AGBL4: variants seen among roughly 807,000 people sequenced by gnomAD.
AGBL4 encodes cytosolic carboxypeptidase 6.
In AGBL4, 58 loss-of-function variants were observed where a neutral mutation model predicts 66.4. That is an observed-to-expected ratio of 0.87 (90% CI 0.71 to 1.09). The LOEUF (loss-of-function observed/expected upper bound fraction) is 1.09, where lower values mean the gene tolerates loss of function less well. Ranked by LOEUF, AGBL4 falls within the 50% of genes least tolerant of loss-of-function variation. AGBL4 has a pLI of 0.00. For synonymous variants in AGBL4, 234 were observed against 222.9 expected (o/e 1.05, Z -0.44); for missense variants, 579 against 631.0 (o/e 0.92, Z 0.88).
chr1:49,222,301 T>G (rs1234747711), intron 4 of AGBL4, among the ~76,000 whole-genome samples: 1 of 148,106 alleles, frequency 6.8e-6, no homozygotes, highest in Non-Finnish European at 1.5e-5. Context: ...AAAAGCAAGA[T>G]TAGAAAAACA....
At chr1:49,707,002 G>C (rs1223585500) in intron 2 of AGBL4, among the ~76,000 whole-genome samples, 3 of 152,202 alleles carry the variant, frequency 2.0e-5, no homozygotes, top group South Asian at 4.1e-4. Flanking sequence ...ATGTGGTGCT[G>C]AGAAGAATGT....
chr1:49,103,724 A>C (rs1170237953), intron 4 of AGBL4, among the ~76,000 whole-genome samples: 1 of 152,170 alleles, frequency 6.6e-6, no homozygotes, highest in African/African-American at 2.4e-5. Context: ...TACACAATCC[A>C]CTTCAAAACC....
At chr1:48,694,440 C>T (rs186494549) in intron 6 of AGBL4, among the ~76,000 whole-genome samples, 4 of 152,266 alleles carry the variant, frequency 2.6e-5, no homozygotes, top group Admixed American at 1.3e-4. Context: ...TTCTTGATCA[C>T]AAAATGGGGA....
At chr1:48,936,687 GT>G (rs1655508445) in intron 5 of AGBL4, among the ~76,000 whole-genome samples, 1 of 152,108 alleles carries the variant, frequency 6.6e-6, no homozygotes, top group African/African-American at 2.4e-5. Flanking sequence ...AATCATCCCG[GT>G]CTTATTTGCA....
At chr1:49,113,695 G>T (rs1645460157) in intron 4 of AGBL4, among the ~76,000 whole-genome samples, 3 of 152,242 alleles carry the variant, frequency 2.0e-5, no homozygotes, top group Admixed American at 1.3e-4. Context: ...AGACTTGAAA[G>T]TTGAAATAAC....
At chr1:49,968,219 C>CAAAA (rs10661536) in intron 1 of AGBL4, among the ~76,000 whole-genome samples, 1 of 135,470 alleles carries the variant, frequency 7.4e-6, no homozygotes, top group Non-Finnish European at 1.6e-5. Context: ...GGGAGACTGT[C>CAAAA]AAAAAAAAAA....
At chr1:49,916,215 C>T (rs181826215) in intron 1 of AGBL4, among the ~76,000 whole-genome samples, 275 of 152,244 alleles carry the variant, frequency 1.8e-3, no homozygotes, top group Non-Finnish European at 2.5e-3. Context: ...TCGCCAGCAA[C>T]GGAACAAAGC....
the AGBL4 span, among the ~76,000 whole-genome samples, chr1:48,524,680 AG>A: frequency 6.6e-6 from 1 of 152,236 alleles, no homozygotes; most frequent in African/African-American, 2.4e-5. Context: ...TCTAATATTC[AG>A]TAAAAACATT....
intron 5 of AGBL4, among the ~76,000 whole-genome samples, chr1:48,997,308 TAGAG>T (rs1661092494): frequency 6.6e-6 from 1 of 152,114 alleles, no homozygotes; most frequent in Non-Finnish European, 1.5e-5. Context: ...CAGTTGGACT[TAGAG>T]AGGAATAAGG....
chr1:48,892,544 T>G (rs568227372), intron 5 of AGBL4, among the ~76,000 whole-genome samples: 1 of 152,102 alleles, frequency 6.6e-6, no homozygotes, highest in Admixed American at 6.5e-5. Flanking sequence ...TGAACATTGG[T>G]TCCGTCTGAA....
intron 5 of AGBL4, among the ~76,000 whole-genome samples, chr1:48,890,790 A>C (rs187880537): frequency 6.6e-6 from 1 of 152,320 alleles, no homozygotes; most frequent in East Asian, 1.9e-4. Context: ...TTTCATGGAT[A>C]CTTGCAGTCT....
At chr1:49,818,233 G>C (rs945823783) in intron 2 of AGBL4, among the ~76,000 whole-genome samples, 1 of 152,080 alleles carries the variant, frequency 6.6e-6, no homozygotes, top group African/African-American at 2.4e-5. Flanking sequence ...CCATTAAGGA[G>C]CCTCAATAAA....
At chr1:50,014,503 A>C (rs1363083164) in intron 1 of AGBL4, among the ~76,000 whole-genome samples, 2 of 151,810 alleles carry the variant, frequency 1.3e-5, no homozygotes, top group Non-Finnish European at 2.9e-5. Context: ...TCAGTTTCCT[A>C]AATAGACCTC....
At chr1:49,818,392 G>T (rs1237593895) in intron 2 of AGBL4, among the ~76,000 whole-genome samples, 1 of 146,390 alleles carries the variant, frequency 6.8e-6, no homozygotes, top group Admixed American at 6.9e-5. Context: ...TTGAGATGAG[G>T]TCTTGCTCTG....
intron 5 of AGBL4, among the ~76,000 whole-genome samples, chr1:48,922,302 C>T (rs1003655864): frequency 7.2e-5 from 11 of 152,278 alleles, no homozygotes; most frequent in African/African-American, 1.4e-4. Flanking sequence ...AAGCCAATAA[C>T]GGCTTTGGCA....
chr1:49,494,248 A>G (rs375878830), intron 3 of AGBL4, among the ~76,000 whole-genome samples: 1 of 151,814 alleles, frequency 6.6e-6, no homozygotes, highest in East Asian at 1.9e-4. Context: ...TGGCTTCATC[A>G]TTAATATGGT....
intron 5 of AGBL4, among the ~76,000 whole-genome samples, chr1:49,001,157 G>GAGA (rs1174865371): frequency 2.0e-5 from 3 of 152,068 alleles, no homozygotes; most frequent in Admixed American, 6.6e-5. Flanking sequence ...GCTTTGTTTC[G>GAGA]AGAAGCTTCT....
Position 49,738,207 on chromosome 1 carries a change from C to T in AGBL4, c.158-40770G>A, listed in dbSNP as rs114715189. On this transcript the variant is annotated intron_variant, in intron 2 of 13. Coordinates refer to ENST00000371839, the MANE Select transcript of AGBL4 (RefSeq NM_032785.4). ...CCTGGAAAATTGGGTCACTCCCACC[C>T]TAACACTGAGCTTTTCCAACAGTCT... Among the ~76,000 whole-genome samples, 207 of 152,338 alleles carry T rather than the reference C, an allele frequency of 1.4e-3. 1 individual carries two copies. The highest frequency in any genetic ancestry group is 4.8e-3 in the African/African-American group (201 of 41,572).
At chr1:49,265,937 C>G (rs955649938) in intron 3 of AGBL4, among the ~76,000 whole-genome samples, 1 of 151,996 alleles carries the variant, frequency 6.6e-6, no homozygotes, top group Non-Finnish European at 1.5e-5. Context: ...CATGAAGAAC[C>G]AAAAAGTTGC....
Sources: allele counts gnomAD v4.1 joint callset (sites outside exome capture counted in the v4.1 genomes callset), GRCh38; gene constraint gnomAD v4.1.1; transcripts MANE v1.5; gene names NCBI Gene and HGNC (gene_info 2026-07-23, HGNC 2026-07-21).